The following DNAH7 variants were observed in gnomAD, a reference collection of about 807,000 sequenced individuals.
DNAH7 encodes dynein axonemal heavy chain 7.
Under a neutral mutation model 444.6 loss-of-function variants are expected in DNAH7, and 397 were observed. The ratio of observed to expected loss-of-function variants is 0.89; its 90% CI spans 0.82 to 0.97. The LOEUF (loss-of-function observed/expected upper bound fraction) is 0.97, where lower values mean the gene tolerates loss of function less well. Ranked by LOEUF, DNAH7 falls within the 50% of genes least tolerant of loss-of-function variation. The pLI is 0.00. For synonymous variants in DNAH7, 1,636 were observed against 1,624.4 expected (o/e 1.01, Z -0.17); for missense variants, 4,902 against 4,800.8 (o/e 1.02, Z -0.62).
chr2:195,844,963 T>C (rs1698899169), intron 47 of DNAH7, 39 bp downstream of exon 47: 1 of 1,574,890 alleles, frequency 6.3e-7, no homozygotes, highest in Admixed American at 1.7e-5. Context: ...TCTACTGTTA[T>C]TTAATAAAGA....
chr2:195,997,330 G>T (rs544482157), intron 12 of DNAH7, among the ~76,000 whole-genome samples: 1 of 152,186 alleles, frequency 6.6e-6, no homozygotes, highest in East Asian at 1.9e-4. Context: ...TGGCCAACCT[G>T]GTGAAACCCC....
intron 46 of DNAH7, among the ~76,000 whole-genome samples, chr2:195,846,630 G>T (rs1298813372): frequency 6.6e-6 from 1 of 152,180 alleles, no homozygotes; most frequent in Non-Finnish European, 1.5e-5. Flanking sequence ...GTCTCTGAGG[G>T]TGTTGTCAAA....
At chr2:195,744,091 G>C (rs1693221470) in intron 63 of DNAH7, among the ~76,000 whole-genome samples, 1 of 152,254 alleles carries the variant, frequency 6.6e-6, no homozygotes, top group Admixed American at 6.5e-5. Context: ...CAAGGGGTCA[G>C]GGAGTTCCCT....
intron 51 of DNAH7, among the ~76,000 whole-genome samples, chr2:195,814,644 A>G (rs192381256): frequency 6.6e-6 from 1 of 152,346 alleles, no homozygotes; most frequent in East Asian, 1.9e-4. Context: ...GGTTATTGTT[A>G]TAAGCAAGGT....
rs753498231 is a variant in DNAH7, at chr2:195,886,238, C to G, written c.5441G>C (p.Arg1814Pro). Residue 1814 changes from arginine to proline, a missense_variant, in exon 34 of 65, where the codon CGG becomes CCG. Transcript: ENST00000312428. ...LSPTSDTNLV[R>P]SLMNLIDCFM... ...ACAGTCTATTAGATTCATTAAGGAC[C>G]GGACCAAGTTTGTATCGGAAGTAGG... The G allele has an allele frequency of 2.0e-5, 33 of 1,612,644 alleles. No homozygotes were observed. The highest frequency in any genetic ancestry group is 2.6e-5 in the Non-Finnish European group (31 of 1,179,404).
At chr2:195,854,909 A>T (rs1018475644) in intron 45 of DNAH7, among the ~76,000 whole-genome samples, 2 of 152,218 alleles carry the variant, frequency 1.3e-5, no homozygotes, top group African/African-American at 4.8e-5. Flanking sequence ...ACTTCTAAAG[A>T]TTAGCACAAT....
intron 58 of DNAH7, among the ~76,000 whole-genome samples, chr2:195,783,900 T>G (rs1695498512): frequency 6.6e-6 from 1 of 152,172 alleles, no homozygotes; most frequent in African/African-American, 2.4e-5. Context: ...AACCAAATTT[T>G]TTCACTGATT....
rs201720603 is a variant in DNAH7 at position 195,853,443 on chromosome 2, G to A, written c.8681C>T (p.Ala2894Val). 1.9e-6 allele frequency: 3 copies of A among 1,614,016 alleles called. No individual in the cohort carries two copies. The highest frequency in any genetic ancestry group is 2.5e-6 in the Non-Finnish European group (3 of 1,180,020). The change falls in exon 46 of 65, where the codon GCT (alanine) becomes GTT (valine). Residue 2894 changes from alanine to valine, a missense_variant. Ala to Val is a moderately conservative substitution (Grantham distance 64). Coordinates refer to ENST00000312428, the MANE Select transcript of DNAH7 (RefSeq NM_018897.3). ...GGEKTRWSHT[A>V]LELGQLYINL... ...GATGTACAGCTGACCTAGCTCCAGAGCTGTGTGGCTCCATCGAGTTTTCTC... is the reference window on the plus strand; with the variant it reads ...GATGTACAGCTGACCTAGCTCCAGAACTGTGTGGCTCCATCGAGTTTTCTC...
At chr2:195,962,490 C>T (rs1430946697) in intron 17 of DNAH7, among the ~76,000 whole-genome samples, 6 of 152,104 alleles carry the variant, frequency 3.9e-5, no homozygotes, top group African/African-American at 1.2e-4. Flanking sequence ...GCTGGGACTA[C>T]AGGCACATGC....
chr2:196,057,744 T>C (rs964026666), intron 2 of DNAH7, among the ~76,000 whole-genome samples: 3 of 152,232 alleles, frequency 2.0e-5, no homozygotes, highest in Admixed American at 2.0e-4. Flanking sequence ...ACTCAACTTC[T>C]GTAGAAGTTA....
intron 19 of DNAH7, among the ~76,000 whole-genome samples, chr2:195,947,755 C>T (rs913631163): frequency 1.1e-4 from 16 of 152,140 alleles, no homozygotes; most frequent in Non-Finnish European, 2.2e-4. Context: ...AATAAACACA[C>T]GTGTGCATGT....
At chr2:196,013,605 T>C (rs1466471629) in intron 9 of DNAH7, among the ~76,000 whole-genome samples, 1 of 152,180 alleles carries the variant, frequency 6.6e-6, no homozygotes, top group Non-Finnish European at 1.5e-5. Flanking sequence ...TAAAACACAT[T>C]TCAAATCTAT....
chr2:195,806,030 AT>A (rs1206644479), intron 54 of DNAH7, among the ~76,000 whole-genome samples: 10 of 151,636 alleles, frequency 6.6e-5, no homozygotes, highest in Non-Finnish European at 1.0e-4. Flanking sequence ...TGAAATATTT[AT>A]GTCAAACTTT....
rs891363587 is a variant in DNAH7 at position 195,861,943 on chromosome 2, A to T, written c.7510T>A (p.Trp2504Arg). 1.2e-6 allele frequency: 2 copies of T among 1,606,886 alleles called. No individual in the cohort carries two copies. Among genetic ancestry groups the T allele is most frequent in the African/African-American group, 2.7e-5 (2 of 74,790 alleles). The change falls in exon 42 of 65, where the codon TGG becomes AGG. Residue 2504 changes from tryptophan to arginine, a missense_variant. By Grantham distance (101) the Trp-to-Arg change is moderately radical (BLOSUM62 -3). Transcript: ENST00000312428. ...NCCTIDWFQS[W>R]PEDALQAVAS... ...ACTGCCTGGAGTGCATCTTCAGGCC[A>T]TGACTAAATGTAAGATAAATGCTTT... is the stretch of plus-strand genomic sequence containing the variant.
rs775243306 is a variant in DNAH7 at position 195,891,657 on chromosome 2, C to G, written c.5044G>C (p.Val1682Leu). ...CATGTGAAAGTGTTAGAACTTACCA[C>G]TGAAGAGGCAAATGCTCTAAAACTG... ...AVSFRAFASS[V>L]TPDRKWLIFD... is the part of the protein sequence containing the mutation. The change falls in exon 31 of 65, where the codon GTG becomes CTG. Residue 1682 changes from valine to leucine, a missense_variant and splice_region_variant. Physicochemically the swap from Val to Leu is conservative, Grantham distance 32. Transcript: ENST00000312428. 6.3e-7 allele frequency: 1 copy of G among 1,582,588 alleles called. No individual in the cohort carries two copies. The highest frequency in any genetic ancestry group is 1.2e-5 in the South Asian group (1 of 82,096).
intron 1 of DNAH7, among the ~76,000 whole-genome samples, chr2:196,059,423 C>T (rs577557865): frequency 2.6e-5 from 4 of 152,352 alleles, no homozygotes; most frequent in African/African-American, 9.6e-5. Flanking sequence ...TTTATTGCCT[C>T]AGCTCCAAAT....
At chr2:196,032,079 G>A (rs1696093342) in intron 5 of DNAH7, among the ~76,000 whole-genome samples, 1 of 152,026 alleles carries the variant, frequency 6.6e-6, no homozygotes, top group Admixed American at 6.6e-5. Flanking sequence ...CCACGTGGTT[G>A]GGGGGGTCTC....
chr2:196,031,249 A>G, intron 5 of DNAH7, among the ~76,000 whole-genome samples: 1 of 152,204 alleles, frequency 6.6e-6, no homozygotes, highest in Non-Finnish European at 1.5e-5. Flanking sequence ...GGCCCCTTTC[A>G]GCCACAGCTG....
intron 47 of DNAH7, among the ~76,000 whole-genome samples, chr2:195,841,240 G>GTC (rs763582151): frequency 2.5e-4 from 38 of 150,290 alleles, no homozygotes; most frequent in Non-Finnish European, 4.9e-4. Flanking sequence ...CTCTCTCTCT[G>GTC]TCTCTCTCTC....
Sources: gnomAD v4.1 joint callset for allele counts (sites outside exome capture counted in the v4.1 genomes callset) on GRCh38, gnomAD v4.1.1 for gene constraint, MANE v1.5 for transcripts, NCBI Gene and HGNC (gene_info 2026-07-23, HGNC 2026-07-21) for gene names.